The following RBFOX1 variants were observed in gnomAD, a reference collection of about 807,000 sequenced individuals.
RBFOX1 encodes the protein RNA binding protein fox-1 homolog 1.
RBFOX1 carries 8 observed loss-of-function variants against 57.7 expected under a neutral mutation model. That is an observed-to-expected ratio of 0.14 (90% CI 0.08 to 0.25). RBFOX1 has a LOEUF of 0.25. RBFOX1 is among the 10% of genes least tolerant of loss of function. The pLI is 1.00. For synonymous variants in RBFOX1, 326 were observed against 222.4 expected (o/e 1.47, Z -4.15); for missense variants, 611 against 548.5 (o/e 1.11, Z -1.14).
chr16:5,761,083 A>G (rs1312653790), intron 3 of RBFOX1, among the ~76,000 whole-genome samples: 3 of 152,234 alleles, frequency 2.0e-5, no homozygotes, highest in Non-Finnish European at 4.4e-5. Flanking sequence ...GTTGGTAAAC[A>G]GTGAATGCTA....
intron 4 of RBFOX1, among the ~76,000 whole-genome samples, chr16:7,198,690 A>G (rs7188551): frequency 0.19 from 29,587 of 152,060 alleles, 3,194 homozygotes; most frequent in East Asian, 0.37. Flanking sequence ...TTTTATAACA[A>G]TCCACTCACA....
intron 3 of RBFOX1, among the ~76,000 whole-genome samples, chr16:5,829,280 C>G (rs182354638): frequency 6.6e-6 from 1 of 152,160 alleles, no homozygotes; most frequent in East Asian, 1.9e-4. Flanking sequence ...ATCCTGAATG[C>G]TAAGGGAAGT....
At position 5,757,232 on chromosome 16, in the gene RBFOX1, T is replaced by C. The variant is rs76925603; in HGVS notation, c.319-110071T>C. ...GGTTTTTTTTGTTTTGGTTTTTGTG[T>C]TTTTTTTTTTTTTTTTTGGAGATGG... On this transcript the variant is annotated intron_variant, in intron 3 of 19. Transcript: ENST00000641259. Among the ~76,000 whole-genome samples, 8 of 113,330 alleles carry C rather than the reference T, an allele frequency of 7.1e-5. 1 individual carries two copies. The highest frequency in any genetic ancestry group is 4.7e-4 in the South Asian group (2 of 4,238). The allele number at this position is 113,330 out of a possible 152,430, so 74.3% of individuals were successfully genotyped here.
intron 2 of RBFOX1, among the ~76,000 whole-genome samples, chr16:6,547,784 T>C (rs2096916780): frequency 6.6e-6 from 1 of 151,862 alleles, no homozygotes; most frequent in African/African-American, 2.4e-5. Flanking sequence ...TTTTTTTTTT[T>C]CTCTCAAAAT....
intron 3 of RBFOX1, among the ~76,000 whole-genome samples, chr16:5,630,731 C>G (rs1211537053): frequency 6.6e-6 from 1 of 152,082 alleles, no homozygotes; most frequent in Non-Finnish European, 1.5e-5. Context: ...GTCATTCATA[C>G]CCAGGCAGTA....
At chr16:6,660,960 T>C (rs971015001) in intron 3 of RBFOX1, among the ~76,000 whole-genome samples, 3 of 151,808 alleles carry the variant, frequency 2.0e-5, no homozygotes, top group Non-Finnish European at 4.4e-5. Flanking sequence ...TGCACCTGCC[T>C]GCCAAGTCCA....
intron 1 of RBFOX1, among the ~76,000 whole-genome samples, chr16:6,146,964 C>T (rs1016702891): frequency 6.6e-6 from 1 of 152,068 alleles, no homozygotes; most frequent in Non-Finnish European, 1.5e-5. Flanking sequence ...ATCCTTAGCT[C>T]CTCCTCCTCC....
intron 3 of RBFOX1, among the ~76,000 whole-genome samples, chr16:5,671,836 A>C (rs1452988914): frequency 6.6e-6 from 1 of 152,198 alleles, no homozygotes; most frequent in Non-Finnish European, 1.5e-5. Flanking sequence ...TTATATCTCC[A>C]TCCAAGTTGC....
rs563873037 is a variant in RBFOX1 at position 6,983,358 on chromosome 16, TGG to T, written c.-15-68694_-15-68693del. On this transcript the variant is annotated intron_variant, in intron 3 of 15. Transcript: ENST00000550418. ...AATGAGGAAAGTACAGAATTATTGGTGGGGGGTGGTCTTTGAAAAAGCTAGGG... is the reference window on the plus strand; with the variant it reads ...AATGAGGAAAGTACAGAATTATTGGTGGGGTGGTCTTTGAAAAAGCTAGGG... Among the ~76,000 whole-genome samples the T allele has an allele frequency of 1.8e-4, 28 of 151,954 alleles. 2 individuals carry two copies. In the South Asian group the frequency reaches 5.8e-3, roughly 32 times the overall value.
intron 2 of RBFOX1, among the ~76,000 whole-genome samples, chr16:6,410,473 G>T (rs952815372): frequency 3.3e-5 from 5 of 151,680 alleles, no homozygotes; most frequent in Admixed American, 2.6e-4. Flanking sequence ...CACAATGCAC[G>T]GCTAATTTTT....
intron 4 of RBFOX1, among the ~76,000 whole-genome samples, chr16:7,154,986 C>G (rs1258417531): frequency 2.0e-5 from 3 of 151,938 alleles, no homozygotes. Context: ...AATATTTTGA[C>G]TTGAATTAGG....
chr16:7,371,888 G>A (rs2147356894), intron 4 of RBFOX1, among the ~76,000 whole-genome samples: 1 of 152,242 alleles, frequency 6.6e-6, no homozygotes, highest in Non-Finnish European at 1.5e-5. Context: ...TTCACTTGAT[G>A]ATATGCCATG....
At chr16:7,406,085 C>A (rs566131120) in intron 4 of RBFOX1, among the ~76,000 whole-genome samples, 1 of 152,250 alleles carries the variant, frequency 6.6e-6, no homozygotes, top group South Asian at 2.1e-4. Flanking sequence ...GGAGAAACCC[C>A]ATTCTGGAGG....
At chr16:6,630,178 A>C (rs2098366418) in intron 2 of RBFOX1, among the ~76,000 whole-genome samples, 1 of 152,100 alleles carries the variant, frequency 6.6e-6, no homozygotes, top group Non-Finnish European at 1.5e-5. Flanking sequence ...TAAGTAACTC[A>C]TTGAATGTAT....
At chr16:5,752,782 C>G (rs1040509899) in intron 3 of RBFOX1, among the ~76,000 whole-genome samples, 2 of 152,112 alleles carry the variant, frequency 1.3e-5, no homozygotes, top group African/African-American at 4.8e-5. Context: ...ATACTCACTC[C>G]TCTACTTTGA....
At chr16:7,354,545 C>G (rs550361516) in intron 4 of RBFOX1, among the ~76,000 whole-genome samples, 60 of 152,284 alleles carry the variant, frequency 3.9e-4, no homozygotes, top group African/African-American at 1.4e-3. Context: ...TTCCTAAAAC[C>G]TTCTAAACTC....
At chr16:7,575,723 C>T (rs574915864) in intron 5 of RBFOX1, among the ~76,000 whole-genome samples, 26 of 152,162 alleles carry the variant, frequency 1.7e-4, no homozygotes, top group Admixed American at 3.3e-4. Flanking sequence ...TTTCAGGAAA[C>T]GAATATAGAG....
rs570341201 is a variant in RBFOX1 at position 7,063,984 on chromosome 16, A to G, written c.27+11886A>G. Among the ~76,000 whole-genome samples, 97 of 152,270 alleles carry G rather than the reference A, an allele frequency of 6.4e-4. 1 individual carries two copies. The highest frequency in any genetic ancestry group is 2.3e-3 in the South Asian group (11 of 4,826). Reference sequence around the variant, plus strand: ...CAAGGTCCATGGATATGGAGGAACAACTATACTAAATTATCATGTTATATG... The same window carrying G: ...CAAGGTCCATGGATATGGAGGAACAGCTATACTAAATTATCATGTTATATG... On this transcript the variant is annotated intron_variant, in intron 4 of 15. Transcript: ENST00000550418.
chr16:6,426,327 GAAGA>G (rs2093927625), intron 2 of RBFOX1, among the ~76,000 whole-genome samples: 1 of 152,064 alleles, frequency 6.6e-6, no homozygotes, highest in South Asian at 2.1e-4. Context: ...GGGAGAGACA[GAAGA>G]GAGAGAAAAT....
Sources: allele counts gnomAD v4.1 joint callset (sites outside exome capture counted in the v4.1 genomes callset), GRCh38; gene constraint gnomAD v4.1.1; transcripts MANE v1.5; gene names NCBI Gene and HGNC (gene_info 2026-07-23, HGNC 2026-07-21).